The following DGKQ variants were observed in gnomAD, a reference collection of about 807,000 sequenced individuals.
DGKQ encodes the protein diacylglycerol kinase theta, also known as DAG kinase theta.
DGKQ carries 97 observed loss-of-function variants against 104.2 expected under a neutral mutation model. The ratio of observed to expected loss-of-function variants is 0.93; its 90% CI spans 0.79 to 1.10. The LOEUF (loss-of-function observed/expected upper bound fraction) is 1.10, where lower values mean the gene tolerates loss of function less well. Among genes scored for constraint, DGKQ ranks in the 50% least tolerant of loss-of-function variants. The pLI is 0.00. For synonymous variants in DGKQ, 736 were observed against 595.2 expected (o/e 1.24, Z -3.44); for missense variants, 1,465 against 1,352.1 (o/e 1.08, Z -1.31).
At chr4:962,342 G>C in intron 18 of DGKQ, 93 bp downstream of exon 18, 1 of 1,300,532 alleles carries the variant, frequency 7.7e-7, no homozygotes, top group South Asian at 1.4e-5. Flanking sequence ...GCGTACACCC[G>C]AGTGTGGCTG....
Position 967,033 on chromosome 4 carries a change from G to T in DGKQ, c.1242C>A (p.Ser414=), listed in dbSNP as rs375650351. The T allele has an allele frequency of 1.9e-6, 3 of 1,561,656 alleles. No individual in the cohort carries two copies. In the Admixed American group the frequency reaches 5.6e-5, roughly 29 times the overall value. The change falls in exon 10 of 23, where the codon TCC becomes TCA. Residue 414 remains serine (S), a synonymous_variant. Transcript: ENST00000273814. Reference sequence around the variant, plus strand: ...CCGTGCTCTTCGGGGTCACTCGCACGGACACGTAGGCCACGCCCACCCTGT... The same window carrying T: ...CCGTGCTCTTCGGGGTCACTCGCACTGACACGTAGGCCACGCCCACCCTGT... ...GWLKVGVAYV[S]VRVTPKSTAR...
rs1455125691 is a variant in DGKQ at position 961,925 on chromosome 4, T to C, written c.2315+57A>G. 5 of 1,609,662 alleles carry C rather than the reference T, an allele frequency of 3.1e-6. No homozygotes were observed. In the East Asian group the frequency reaches 8.9e-5, roughly 29 times the overall value. Reference sequence around the variant, plus strand: ...TTCCGGCCCCTCTGCCTGTTCCTGCTGGGGGACCTGAGGGAGGTATGCCGT... The same window carrying C: ...TTCCGGCCCCTCTGCCTGTTCCTGCCGGGGGACCTGAGGGAGGTATGCCGT... On this transcript the variant is annotated intron_variant, in intron 19 of 22. Coordinates refer to ENST00000273814, the MANE Select transcript of DGKQ (RefSeq NM_001347.4).
Position 967,315 on chromosome 4 carries a change from A to G in DGKQ, c.1034T>C (p.Leu345Pro). 6.5e-7 allele frequency: 1 copy of G among 1,537,890 alleles called. No individual in the cohort carries two copies. Among genetic ancestry groups the G allele is most frequent in the Non-Finnish European group, 8.7e-7 (1 of 1,147,396 alleles). Reference sequence around the variant, plus strand: ...GGAAGGGGGCAGCCGGCACAGCTCCAGGTGGCCAGGGTCCTCGGGGATGTG... The same window carrying G: ...GGAAGGGGGCAGCCGGCACAGCTCCGGGTGGCCAGGGTCCTCGGGGATGTG... The part of the protein sequence containing the change: ...AHHIPEDPGH[L>P]ELCRLPPSSQ... Residue 345 changes from leucine (L) to proline (P), a missense_variant, in exon 9 of 23, where the codon CTG becomes CCG. By Grantham distance (98) the Leu-to-Pro change is moderately conservative (BLOSUM62 -3). Coordinates refer to ENST00000273814, the MANE Select transcript of DGKQ (RefSeq NM_001347.4).
At chr4:966,224 A>G in intron 12 of DGKQ, 146 bp from the exon 13 acceptor site, 1 of 970,896 alleles carries the variant, frequency 1.0e-6, no homozygotes, top group Non-Finnish European at 1.5e-6. Flanking sequence ...GAAAGGGGCC[A>G]CAGAGGCTTC....
At position 971,064 on chromosome 4, in the gene DGKQ, A is replaced by T; in HGVS notation, c.280T>A (p.Phe94Ile). Reference sequence around the variant, plus strand: ...TTCAGGCACTTCTCATGAGACATGAAATTGCAGACTGTGGGAATGAGCACT... The same window carrying T: ...TTCAGGCACTTCTCATGAGACATGATATTGCAGACTGTGGGAATGAGCACT... ...LAGFLCDVCN[F>I]MSHEKCLKHV... The change falls in exon 2 of 23, where the codon TTC (phenylalanine) becomes ATC (isoleucine). Residue 94 changes from phenylalanine (F) to isoleucine (I), a missense_variant. By Grantham distance (21) the Phe-to-Ile change is conservative (BLOSUM62 0). Coordinates refer to ENST00000273814, the MANE Select transcript of DGKQ (RefSeq NM_001347.4). The surrounding 1 kb of genome is among the most constrained non-coding windows in gnomAD (Gnocchi z 4.0). 1 of 1,557,620 alleles carries T rather than the reference A, an allele frequency of 6.4e-7. No homozygotes were observed. Among genetic ancestry groups the T allele is most frequent in the Non-Finnish European group, 8.7e-7 (1 of 1,150,076 alleles).
chr4:973,015 C>T (rs1184794144), intron 1 of DGKQ, among the ~76,000 whole-genome samples, 197 bp downstream of exon 1: 1 of 152,182 alleles, frequency 6.6e-6, no homozygotes, highest in African/African-American at 2.4e-5. Context: ...CCGCACCTCC[C>T]AGGTGAGGAA....
chr4:968,526 C>T lies in DGKQ; in HGVS notation c.490G>A (p.Ala164Thr), dbSNP rs775729009. Residue 164 changes from alanine (A) to threonine (T), a missense_variant, in exon 4 of 23, where the codon GCC becomes ACC. Transcript: ENST00000273814. ...LHLHPDCVPF[A>T]CSDCRQCHQD... ...TGGCACTGGCGGCAGTCACTGCAGG[C>T]GAAGGGCACACAGTCTGGGTGGAGG... 15 of 1,609,526 alleles carry T rather than the reference C, an allele frequency of 9.3e-6. No homozygotes were observed. The highest frequency in any genetic ancestry group is 5.9e-6 in the Non-Finnish European group (7 of 1,178,586).
chr4:961,828 G>A lies in DGKQ; in HGVS notation c.2322C>T (p.His774=). 1.3e-6 allele frequency: 2 copies of A among 1,599,596 alleles called. No homozygotes were observed. Among genetic ancestry groups the A allele is most frequent in the Non-Finnish European group, 1.7e-6 (2 of 1,172,984 alleles). ...EEPGKFTSRL[H]NKGVYVRVGL... is the part of the protein sequence containing the mutation. ...CCACCCGCACGTACACACCCTTGTT[G>A]TGCAGCCTGCAGGACGGGGCAGGTC... The change falls in exon 20 of 23, where the codon CAC becomes CAT. Residue 774 remains histidine (H), a synonymous_variant. Coordinates refer to ENST00000273814, the MANE Select transcript of DGKQ (RefSeq NM_001347.4).
rs1403529033 is a variant in DGKQ at position 971,460 on chromosome 4, C to A, written c.272-388G>T. Among the ~76,000 whole-genome samples, 3 of 152,200 alleles carry A rather than the reference C, an allele frequency of 2.0e-5. No individual in the cohort carries two copies. Among genetic ancestry groups the A allele is most frequent in the African/African-American group, 4.8e-5 (2 of 41,448 alleles). On this transcript the variant is annotated intron_variant, in intron 1 of 22. Coordinates refer to ENST00000273814, the MANE Select transcript of DGKQ (RefSeq NM_001347.4). The surrounding 1 kb of genome is among the most constrained non-coding windows in gnomAD (Gnocchi z 4.0). ...TTCGGCAGATTGGCTTTACCAAGGA[C>A]ATCTGTGTCTCACTCCCCCGAAACT...
At chr4:962,130 C>T (rs773979205) in intron 18 of DGKQ, 48 bp from the exon 19 acceptor site, 1 of 1,506,276 alleles carries the variant, frequency 6.6e-7, no homozygotes, top group Non-Finnish European at 9.1e-7. Context: ...CCTCACCAGG[C>T]CCCCTGAGCT....
intron 15 of DGKQ, 68 bp downstream of exon 15, chr4:965,107 CT>C: frequency 7.7e-7 from 1 of 1,297,082 alleles, no homozygotes; most frequent in Non-Finnish European, 1.1e-6. Flanking sequence ...GCCTGTGCAC[CT>C]GCAGACCCCG....
At chr4:970,563 T>C (rs1221073622) in intron 2 of DGKQ, among the ~76,000 whole-genome samples, 1 of 152,184 alleles carries the variant, frequency 6.6e-6, no homozygotes, top group Admixed American at 6.5e-5. Context: ...CACATAGCTG[T>C]GAGGAAACTG....
In DGKQ at chr4:960,315, A is replaced by G; in HGVS notation, c.*305T>C. 1 of 458,890 alleles carries G rather than the reference A, an allele frequency of 2.2e-6. No individual in the cohort carries two copies. The allele number at this position is 458,890 out of a possible 1,614,324, so 28.4% of individuals were successfully genotyped here. On this transcript the variant is annotated 3_prime_UTR_variant, in exon 23 of 23. Transcript: ENST00000273814. The stretch of plus-strand genomic sequence containing the variant: ...GGGATGGGTGCCCACCCCTGAGGAG[A>G]GGACCAGGCCCCCACAGGGCAGAGG...
At chr4:963,064 A>T (rs1361844640) in intron 16 of DGKQ, 75 bp downstream of exon 16, 1 of 1,511,220 alleles carries the variant, frequency 6.6e-7, no homozygotes, top group East Asian at 2.4e-5. Flanking sequence ...CTGCCGGCCG[A>T]GACAGCTGTG....
At chr4:968,680 G>T (rs1261372496) in intron 3 of DGKQ, 116 bp from the exon 4 acceptor site, 4 of 1,356,732 alleles carry the variant, frequency 2.9e-6, no homozygotes, top group Non-Finnish European at 4.0e-6. Context: ...TAAGTGTCCT[G>T]TGGCCTGCCA....
rs1173700120 is a variant in DGKQ, at chr4:963,242, G to T, written c.1783C>A (p.Pro595Thr). The T allele has an allele frequency of 1.2e-6, 2 of 1,611,224 alleles. No homozygotes were observed. The highest frequency in any genetic ancestry group is 3.3e-5 in the Admixed American group (2 of 59,970). Reference sequence around the variant, plus strand: ...CGGCCCTTGAGGCCTCCACTCTTGGGGTTCACGAACACAAGGAGGGGACAG... The same window carrying T: ...CGGCCCTTGAGGCCTCCACTCTTGGTGTTCACGAACACAAGGAGGGGACAG... ...DSCPLLVFVN[P>T]KSGGLKGRDL... The change falls in exon 16 of 23, where the codon CCC becomes ACC. Residue 595 changes from proline (P) to threonine (T), a missense_variant. Pro to Thr is a conservative substitution (Grantham distance 38). Transcript: ENST00000273814.
At chr4:968,449 C>T in intron 4 of DGKQ, 30 bp downstream of exon 4, 2 of 1,594,928 alleles carry the variant, frequency 1.3e-6, no homozygotes, top group Non-Finnish European at 1.7e-6. Context: ...CGCCCCACCC[C>T]CCAGGGCTCC....
chr4:968,729 G>C (rs1712679318), intron 3 of DGKQ, 82 bp downstream of exon 3: 5 of 1,408,030 alleles, frequency 3.6e-6, no homozygotes, highest in South Asian at 2.5e-5. Flanking sequence ...CCCCTGACAA[G>C]CTGCACAGCA....
intron 17 of DGKQ, 21 bp downstream of exon 17, chr4:962,751 C>T (rs115971403): frequency 2.3e-5 from 37 of 1,599,380 alleles, no homozygotes; most frequent in Admixed American, 5.2e-5. Flanking sequence ...GCCCCCTCCT[C>T]GGCTGCACGG....
Sources: gnomAD v4.1 joint callset for allele counts (sites outside exome capture counted in the v4.1 genomes callset) on GRCh38, gnomAD v4.1.1 for gene constraint, Gnocchi (gnomAD v3.1) non-coding constraint, MANE v1.5 for transcripts, NCBI Gene and HGNC (gene_info 2026-07-23, HGNC 2026-07-21) for gene names.